The following TSPAN32 variants were observed in gnomAD, a reference collection of about 807,000 sequenced individuals.
The protein encoded by TSPAN32 is tetraspanin-32.
Under a neutral mutation model 42.7 loss-of-function variants are expected in TSPAN32, and 47 were observed. The observed-to-expected ratio is 1.10, with a 90% CI of 0.87 to 1.40. The LOEUF is 1.40. TSPAN32 is among the 40% of genes most tolerant of loss of function. TSPAN32 has a pLI of 0.00. For synonymous variants in TSPAN32, 175 were observed against 175.9 expected, an observed-to-expected ratio of 0.99 and a Z score of 0.04; for missense variants, 469 against 424.1, an observed-to-expected ratio of 1.11 and a Z score of -0.93.
In TSPAN32 at chr11:2,317,480, G is replaced by A. The variant is rs200106123; in HGVS notation, c.856G>A (p.Asp286Asn). ...TAGTCTTCGGTGGCTGCAGGAGAGC[G>A]ATGCTGCGCCTCTGCCCCTCTCCTG... Reference protein sequence around the residue: ...SGSLRWLQESDAAPLPLSCHL... With the variant: ...SGSLRWLQESNAAPLPLSCHL... Residue 286 changes from aspartate (D) to asparagine (N), a missense_variant, in exon 9 of 10, where the codon GAT becomes AAT. Asp to Asn is a conservative substitution (Grantham distance 23, BLOSUM62 1). Transcript: ENST00000182290. The surrounding 1 kb of genome is among the most constrained non-coding windows in gnomAD (Gnocchi z 6.2). 4 of 1,598,112 alleles carry A rather than the reference G, an allele frequency of 2.5e-6. No homozygotes were observed. Among genetic ancestry groups the A allele is most frequent in the Non-Finnish European group, 3.4e-6 (4 of 1,173,064 alleles).
At chr11:2,305,280 G>A (rs553858820) in intron 3 of TSPAN32, among the ~76,000 whole-genome samples, 10 of 152,258 alleles carry the variant, frequency 6.6e-5, no homozygotes, top group South Asian at 2.1e-4. Context: ...CGGGGCACAC[G>A]AGCATGGGCA....
At chr11:2,312,089 C>A (rs1046993135) in intron 4 of TSPAN32, among the ~76,000 whole-genome samples, 4 of 148,116 alleles carry the variant, frequency 2.7e-5, no homozygotes, top group Non-Finnish European at 5.9e-5. Context: ...GCAGAGCAGG[C>A]CCCTCAGCCA....
chr11:2,308,543 A>G (rs1383775876), intron 3 of TSPAN32, among the ~76,000 whole-genome samples, 193 bp from the exon 4 acceptor site: 3 of 1,396 alleles, frequency 2.1e-3, no homozygotes, highest in African/African-American at 7.8e-3. Context: ...AACAGTGACC[A>G]GCCCCCCATA....
Position 2,304,062 on chromosome 11 carries a change from C to A in TSPAN32, c.182-45C>A, listed in dbSNP as rs371232476. On this transcript the variant is annotated intron_variant, in intron 2 of 9. Transcript: ENST00000182290. The surrounding 1 kb of genome is among the most constrained non-coding windows in gnomAD (Gnocchi z 4.8). ...CACCCAGGCTGTGTGCACTCAGGAC[C>A]TGTCCTGGGCACCCCTAACCCTCCT... is the stretch of plus-strand genomic sequence containing the variant. 102 of 1,459,966 alleles carry A rather than the reference C, an allele frequency of 7.0e-5. No individual in the cohort carries two copies. Among genetic ancestry groups the A allele is most frequent in the Non-Finnish European group, 9.1e-5 (97 of 1,063,514 alleles). 90.4% of individuals were successfully genotyped at this position (1,459,966 alleles called of 1,614,324 possible).
chr11:2,310,456 G>T (rs1367190948), intron 4 of TSPAN32, among the ~76,000 whole-genome samples: 1 of 152,212 alleles, frequency 6.6e-6, no homozygotes, highest in Non-Finnish European at 1.5e-5. Context: ...CCCTTCAGGG[G>T]TCAGTTCTCA....
chr11:2,310,547 G>C (rs544715435), intron 4 of TSPAN32, among the ~76,000 whole-genome samples: 5 of 152,332 alleles, frequency 3.3e-5, no homozygotes, highest in African/African-American at 7.2e-5. Context: ...AGTGGGTCTT[G>C]ACTTCTGGCA....
chr11:2,314,819 T>C (rs1335860368), intron 6 of TSPAN32: 4 of 540,816 alleles, frequency 7.4e-6, no homozygotes, highest in Non-Finnish European at 1.3e-5. Context: ...TTTGCCCAGC[T>C]GGACGCAGGC....
At position 2,313,594 on chromosome 11, in the gene TSPAN32, G is replaced by A. The variant is rs986739838; in HGVS notation, c.355-60G>A. 3 of 1,371,294 alleles carry A rather than the reference G, an allele frequency of 2.2e-6. No homozygotes were observed. The highest frequency in any genetic ancestry group is 2.0e-6 in the Non-Finnish European group (2 of 988,598). The allele number at this position is 1,371,294 out of a possible 1,614,324, so 84.9% of individuals were successfully genotyped here. A position where few individuals can be genotyped will look rare whatever the true frequency, so the allele number is the denominator to read the frequency against. ...CTAGCGTTTGGGATGTCGTGGGGAGGGGGCTGTGTCCCCGGATCTCCCACC... is the reference window on the plus strand; with the variant it reads ...CTAGCGTTTGGGATGTCGTGGGGAGAGGGCTGTGTCCCCGGATCTCCCACC... On this transcript the variant is annotated intron_variant, in intron 4 of 9. Coordinates refer to ENST00000182290, the MANE Select transcript of TSPAN32 (RefSeq NM_139022.3). The surrounding 1 kb of genome is among the most constrained non-coding windows in gnomAD (Gnocchi z 9.1).
At chr11:2,309,589 AG>A (rs1848345846) in intron 4 of TSPAN32, 4 of 295,702 alleles carry the variant, frequency 1.4e-5, no homozygotes, top group South Asian at 1.1e-4. Flanking sequence ...AGAGCCTGGC[AG>A]GTCACAAGAG....
chr11:2,313,335 G>A lies in TSPAN32; in HGVS notation c.355-319G>A, dbSNP rs1848578062. On this transcript the variant is annotated intron_variant, in intron 4 of 9. Coordinates refer to ENST00000182290, the MANE Select transcript of TSPAN32 (RefSeq NM_139022.3). This position sits in a 1 kb window ranked among gnomAD's most constrained non-coding sequence, Gnocchi z 9.1. ...CAACAGTAGCGTGCTGGAAACTTCT[G>A]TGGGCCAACCTTGTAAGACCACAGC... Among the ~76,000 whole-genome samples, 1 of 152,190 alleles carries A rather than the reference G, an allele frequency of 6.6e-6. No homozygotes were observed. The highest frequency in any genetic ancestry group is 2.4e-5 in the African/African-American group (1 of 41,428).
intron 3 of TSPAN32, among the ~76,000 whole-genome samples, chr11:2,305,986 A>G (rs868549675): frequency 1.1e-4 from 16 of 148,104 alleles, no homozygotes; most frequent in South Asian, 8.4e-4. Context: ...GCAAATATAC[A>G]TGTGTGTGTG....
chr11:2,307,529 G>A (rs193185324), intron 3 of TSPAN32, among the ~76,000 whole-genome samples: 2,214 of 151,994 alleles, frequency 0.015, 64 homozygotes, highest in African/African-American at 0.051. Context: ...AGGCAAAGGC[G>A]GCTGCCCAGA....
intron 3 of TSPAN32, among the ~76,000 whole-genome samples, chr11:2,305,690 C>A (rs937614): frequency 2.0e-5 from 3 of 152,056 alleles, no homozygotes; most frequent in Admixed American, 6.5e-5. Flanking sequence ...GTTCTGTGTC[C>A]CCAGCCAGCC....
chr11:2,308,908 C>G lies in TSPAN32; in HGVS notation c.354+98C>G, dbSNP rs1589805048. On this transcript the variant is annotated intron_variant, in intron 4 of 9. Coordinates refer to ENST00000182290, the MANE Select transcript of TSPAN32 (RefSeq NM_139022.3). Reference sequence around the variant, plus strand: ...GCAGTCCTGGGAGGAGCAGCCCCAGCTTCCAGGCTTGTGCTGACCGGGTGG... The same window carrying G: ...GCAGTCCTGGGAGGAGCAGCCCCAGGTTCCAGGCTTGTGCTGACCGGGTGG... The G allele has an allele frequency of 4.8e-6, 4 of 834,470 alleles. No homozygotes were observed. The East Asian group carries it at 8.1e-5, about 17-fold the overall frequency. The allele number at this position is 834,470 out of a possible 1,614,324, so 51.7% of individuals were successfully genotyped here.
intron 3 of TSPAN32, among the ~76,000 whole-genome samples, chr11:2,306,635 G>T (rs1010771374): frequency 5.3e-5 from 8 of 151,438 alleles, no homozygotes; most frequent in Non-Finnish European, 1.0e-4. Flanking sequence ...GAAAATGCTG[G>T]TCTCCTGAGC....
Position 2,316,640 on chromosome 11 carries a change from G to A in TSPAN32, c.692G>A (p.Arg231His), listed in dbSNP as rs750103889. ...FAIRCGCSLD[R>H]KGKYTLTPRA... The stretch of plus-strand genomic sequence containing the variant: ...ATCCGCTGTGGCTGCAGCTTGGACC[G>A]CAAGGGCAAATACACCCTGACCCCA... Residue 231 changes from arginine (R) to histidine (H), a missense_variant, in exon 8 of 10, where the codon CGC becomes CAC. Transcript: ENST00000182290. 7.8e-6 allele frequency: 12 copies of A among 1,541,394 alleles called. No individual in the cohort carries two copies. Among genetic ancestry groups the A allele is most frequent in the South Asian group, 2.5e-5 (2 of 79,286 alleles).
chr11:2,317,505 GC>G lies in TSPAN32; in HGVS notation c.883del (p.His295ThrfsTer?). The G allele has an allele frequency of 6.3e-7, 1 of 1,586,802 alleles. No individual in the cohort carries two copies. The highest frequency in any genetic ancestry group is 8.6e-7 in the Non-Finnish European group (1 of 1,168,096). On this transcript the variant is annotated frameshift_variant, in exon 9 of 10. Transcript: ENST00000182290. LOFTEE classifies it low-confidence loss of function (END_TRUNC). The surrounding 1 kb of genome is among the most constrained non-coding windows in gnomAD (Gnocchi z 6.2). ...GATGCTGCGCCTCTGCCCCTCTCCT[GC>G]CACCTGGCTGCCCACAGAGGTGAAG... Reference protein sequence around the residue: ...ESDAAPLPLSCHLAAHRALQG... With the variant: ...ESDAAPLPLSXHLAAHRALQG...
At chr11:2,303,937 C>T (rs528220546) in intron 2 of TSPAN32, among the ~76,000 whole-genome samples, 170 bp from the exon 3 acceptor site, 17 of 152,290 alleles carry the variant, frequency 1.1e-4, no homozygotes, top group African/African-American at 4.1e-4. Flanking sequence ...ACGAGTCCCA[C>T]CTCCCTCCTC....
Position 2,310,643 on chromosome 11 carries a change from G to T in TSPAN32, c.354+1833G>T, listed in dbSNP as rs549379108. Among the ~76,000 whole-genome samples, 48 of 152,340 alleles carry T rather than the reference G, an allele frequency of 3.2e-4. No homozygotes were observed. In the South Asian group the frequency reaches 9.9e-3, roughly 32 times the overall value. On this transcript the variant is annotated intron_variant, in intron 4 of 9. Coordinates refer to ENST00000182290, the MANE Select transcript of TSPAN32 (RefSeq NM_139022.3). ...AGTCAGTGTCCTTGGGCCGCCCTTG[G>T]GCAAGCCACTTTAACTTCCTGGGCC...
Sources: allele counts gnomAD v4.1 joint callset (sites outside exome capture counted in the v4.1 genomes callset), GRCh38; gene constraint gnomAD v4.1.1; non-coding constraint Gnocchi (gnomAD v3.1); transcripts MANE v1.5; gene names NCBI Gene and HGNC (gene_info 2026-07-23, HGNC 2026-07-21).